The following SRBD1 variants were observed in gnomAD, a reference collection of about 807,000 sequenced individuals.
SRBD1 encodes S1 RNA-binding domain-containing protein 1.
SRBD1 carries 88 observed loss-of-function variants against 115.3 expected under a neutral mutation model. That is an observed-to-expected ratio of 0.76 (90% CI 0.64 to 0.91). The LOEUF is 0.91. SRBD1 is among the 40% of genes least tolerant of loss of function. The pLI is 0.00. For synonymous variants in SRBD1, 509 were observed against 407.7 expected (o/e 1.25, Z -2.99); for missense variants, 1,385 against 1,177.4 (o/e 1.18, Z -2.58).
chr2:45,509,598 A>AACACACACACACAC lies in SRBD1; in HGVS notation c.1875-21281_1875-21268dup, dbSNP rs1179307941. On this transcript the variant is annotated intron_variant, in intron 14 of 20. Coordinates refer to ENST00000263736, the MANE Select transcript of SRBD1 (RefSeq NM_018079.5). ...AGGACACAGCAAGACTCCGTCTCAAAACACACACACACACACACACACACA... is the reference window on the plus strand; with the variant it reads ...AGGACACAGCAAGACTCCGTCTCAAAACACACACACACACACACACACACACACACACACACACA... Among the ~76,000 whole-genome samples the AACACACACACACAC allele has an allele frequency of 6.2e-4, 78 of 125,524 alleles. 1 individual carries two copies. Among genetic ancestry groups the AACACACACACACAC allele is most frequent in the East Asian group, 3.4e-3 (14 of 4,062 alleles). The allele number at this position is 125,524 out of a possible 152,430, so 82.3% of individuals were successfully genotyped here.
intron 1 of SRBD1, among the ~76,000 whole-genome samples, chr2:45,607,034 T>C (rs1009994697): frequency 5.9e-5 from 9 of 152,196 alleles, no homozygotes; most frequent in African/African-American, 2.2e-4. Flanking sequence ...GGCAAAATAG[T>C]GCTCAGAGGG....
intron 14 of SRBD1, among the ~76,000 whole-genome samples, chr2:45,527,428 G>A (rs1278483631): frequency 1.3e-5 from 2 of 151,834 alleles, no homozygotes; most frequent in Admixed American, 6.6e-5. Flanking sequence ...TCTAACCTGA[G>A]ATAAATTAGA....
chr2:45,465,642 A>C (rs538152293), intron 16 of SRBD1, among the ~76,000 whole-genome samples: 3 of 152,306 alleles, frequency 2.0e-5, no homozygotes, highest in Non-Finnish European at 2.9e-5. Flanking sequence ...AAGGAGTTTC[A>C]TTTTAAAAAT....
chr2:45,536,840 G>A (rs1482348974), intron 14 of SRBD1, among the ~76,000 whole-genome samples: 1 of 152,066 alleles, frequency 6.6e-6, no homozygotes, highest in Non-Finnish European at 1.5e-5. Flanking sequence ...ACTCTTGCGG[G>A]CCAATCTTCT....
intron 16 of SRBD1, among the ~76,000 whole-genome samples, chr2:45,465,219 G>A (rs1234768258): frequency 1.3e-5 from 2 of 152,044 alleles, no homozygotes; most frequent in African/African-American, 2.4e-5. Flanking sequence ...ACCTAATACG[G>A]TGTAAAGGCT....
At chr2:45,482,025 A>C (rs1486566368) in intron 15 of SRBD1, among the ~76,000 whole-genome samples, 1 of 152,144 alleles carries the variant, frequency 6.6e-6, no homozygotes, top group Non-Finnish European at 1.5e-5. Context: ...TGAAGTTATA[A>C]AACTAGACGG....
intron 15 of SRBD1, among the ~76,000 whole-genome samples, chr2:45,478,655 G>C (rs1410516721): frequency 6.6e-6 from 1 of 152,154 alleles, no homozygotes; most frequent in African/African-American, 2.4e-5. Context: ...ATTTAAAGTA[G>C]AGATATACTT....
intron 14 of SRBD1, among the ~76,000 whole-genome samples, chr2:45,502,694 A>AG (rs1462886367): frequency 7.1e-6 from 1 of 140,432 alleles, no homozygotes; most frequent in Non-Finnish European, 1.6e-5. Flanking sequence ...GGTGGGGGGA[A>AG]GGGGGAGGGA....
chr2:45,586,519 A>G (rs1395734773), intron 4 of SRBD1, among the ~76,000 whole-genome samples: 1 of 152,126 alleles, frequency 6.6e-6, no homozygotes, highest in Non-Finnish European at 1.5e-5. Flanking sequence ...CACAAATACA[A>G]CATCTTCAAG....
intron 16 of SRBD1, among the ~76,000 whole-genome samples, chr2:45,469,519 A>G (rs1669585785): frequency 6.6e-6 from 1 of 152,210 alleles, no homozygotes; most frequent in Non-Finnish European, 1.5e-5. Context: ...CATTTCTTTT[A>G]AAGATAAGTA....
intron 9 of SRBD1, among the ~76,000 whole-genome samples, chr2:45,563,654 T>C (rs1368227877): frequency 6.6e-6 from 1 of 151,902 alleles, no homozygotes; most frequent in Admixed American, 6.6e-5. Flanking sequence ...ATAAAAAAGA[T>C]TATAAGAGAT....
chr2:45,440,122 G>A (rs1668619415), intron 16 of SRBD1, among the ~76,000 whole-genome samples: 1 of 152,128 alleles, frequency 6.6e-6, no homozygotes, highest in Non-Finnish European at 1.5e-5. Context: ...TTAGCTGCTT[G>A]TTTGGTTCTC....
chr2:45,506,621 A>C (rs1013413320), intron 14 of SRBD1, among the ~76,000 whole-genome samples: 3 of 152,152 alleles, frequency 2.0e-5, no homozygotes, highest in Admixed American at 2.0e-4. Context: ...TCAGCTAGCA[A>C]GTACTATTCT....
intron 9 of SRBD1, among the ~76,000 whole-genome samples, chr2:45,567,657 A>G (rs1172756398): frequency 3.9e-5 from 6 of 152,182 alleles, no homozygotes; most frequent in Non-Finnish European, 5.9e-5. Context: ...ATTCAATAAT[A>G]CTGCACAGAA....
intron 15 of SRBD1, among the ~76,000 whole-genome samples, chr2:45,484,416 C>A (rs1458626280): frequency 2.0e-5 from 3 of 152,140 alleles, no homozygotes; most frequent in Non-Finnish European, 2.9e-5. Context: ...CTCAACTACC[C>A]TTTACTTCAG....
At chr2:45,593,923 G>A (rs1162913320) in intron 4 of SRBD1, among the ~76,000 whole-genome samples, 1 of 152,172 alleles carries the variant, frequency 6.6e-6, no homozygotes, top group Non-Finnish European at 1.5e-5. Context: ...ATTTTGAGAT[G>A]TTGGTAATGT....
intron 16 of SRBD1, among the ~76,000 whole-genome samples, chr2:45,441,720 T>A (rs554037772): frequency 1.2e-4 from 18 of 152,324 alleles, no homozygotes; most frequent in African/African-American, 4.1e-4. Context: ...TGCCCTAAAA[T>A]AGGAGGAGAT....
At chr2:45,424,449 T>C (rs560893554) in intron 16 of SRBD1, among the ~76,000 whole-genome samples, 1 of 152,178 alleles carries the variant, frequency 6.6e-6, no homozygotes, top group Non-Finnish European at 1.5e-5. Context: ...ATGTACTATA[T>C]ATGCTCATAG....
intron 16 of SRBD1, among the ~76,000 whole-genome samples, chr2:45,438,430 C>A (rs920177237): frequency 6.6e-6 from 1 of 152,090 alleles, no homozygotes; most frequent in Admixed American, 6.5e-5. Flanking sequence ...ACTAGGATGA[C>A]CCAGATGTTG....
Sources: gnomAD v4.1 joint callset for allele counts (sites outside exome capture counted in the v4.1 genomes callset) on GRCh38, gnomAD v4.1.1 for gene constraint, MANE v1.5 for transcripts, NCBI Gene and HGNC (gene_info 2026-07-23, HGNC 2026-07-21) for gene names.